The following ATRX variants were observed in gnomAD, a reference collection of about 807,000 sequenced individuals.
The protein encoded by ATRX is ATRX chromatin remodeler, also known as chromatin remodeler ATRX.
In ATRX, 12 loss-of-function variants were observed where a neutral mutation model predicts 172.6. The ratio of observed to expected loss-of-function variants is 0.07; its 90% CI spans 0.04 to 0.11. The LOEUF (loss-of-function observed/expected upper bound fraction) is 0.11, where lower values mean the gene tolerates loss of function less well. Ranked by LOEUF, ATRX falls within the 10% of genes least tolerant of loss-of-function variation. ATRX has a pLI of 1.00. For missense variants in ATRX, 1,368 were observed against 1,767.4 expected (o/e 0.77, Z 4.05); for synonymous variants, 674 against 594.7 (o/e 1.13, Z -1.94).
chrX:77,767,295 G>A (rs1287000548), intron 1 of ATRX, among the ~76,000 whole-genome samples: 2 of 109,668 alleles, frequency 1.8e-5, no homozygotes, highest in Admixed American at 9.7e-5. Context: ...GAGAGGTAGA[G>A]GGAGCCTCAT....
At chrX:77,595,534 G>A (rs988904493) in intron 25 of ATRX, 9 of 111,523 alleles carry the variant, frequency 8.1e-5, no homozygotes, top group African/African-American at 2.9e-4. Context: ...AAGCTTCCTT[G>A]TCAACTCCCT....
At position 77,717,247 on chromosome X, in the gene ATRX, T is replaced by G. The variant is rs1197209284; in HGVS notation, c.21-4A>C. The G allele has an allele frequency of 1.0e-5, 12 of 1,179,657 alleles. No homozygotes were observed. The South Asian group carries it at 2.1e-4, about 21-fold the overall frequency. On this transcript the variant is annotated splice_polypyrimidine_tract_variant and splice_region_variant and intron_variant, in intron 1 of 34. Transcript: ENST00000373344. ...CAATGTATTCAACTTGCTTTCACTATTAAAACAAAATTTAAAGAATTCCCT... is the reference window on the plus strand; with the variant it reads ...CAATGTATTCAACTTGCTTTCACTAGTAAAACAAAATTTAAAGAATTCCCT...
At chrX:77,622,017 T>C (rs2067610743) in intron 19 of ATRX, among the ~76,000 whole-genome samples, 1 of 112,378 alleles carries the variant, frequency 8.9e-6, no homozygotes, top group African/African-American at 3.2e-5. Flanking sequence ...TAATATTCGG[T>C]ATCCATGAGG....
intron 1 of ATRX, among the ~76,000 whole-genome samples, chrX:77,719,624 G>C (rs1030039010): frequency 5.7e-4 from 63 of 111,445 alleles, no homozygotes; most frequent in African/African-American, 2.1e-3. Context: ...AAAGCAACGA[G>C]AAGAGCTAAC....
In ATRX at chrX:77,682,596, G is replaced by GTC; in HGVS notation, c.2658_2659dup (p.Thr887ArgfsTer19). On this transcript the variant is annotated frameshift_variant, in exon 9 of 35. Coordinates refer to ENST00000373344, the MANE Select transcript of ATRX (RefSeq NM_000489.6). LOFTEE classifies it high-confidence loss of function. Reference sequence around the variant, plus strand: ...AACTGTGCCTTCTGCTGAAGAGAAAGTCTCTCTCTCTTGTTTTCTTTCAGC... The same window carrying GTC: ...AACTGTGCCTTCTGCTGAAGAGAAAGTCTCTCTCTCTCTTGTTTTCTTTCAGC... 1 of 1,210,385 alleles carries GTC rather than the reference G, an allele frequency of 8.3e-7. No individual in the cohort carries two copies. Among genetic ancestry groups the GTC allele is most frequent in the South Asian group, 1.8e-5 (1 of 56,979 alleles).
intron 9 of ATRX, among the ~76,000 whole-genome samples, chrX:77,677,850 T>C (rs782727522): frequency 6.3e-5 from 7 of 110,726 alleles, no homozygotes; most frequent in African/African-American, 9.8e-5. Flanking sequence ...CAATAAAATG[T>C]TGAAGGGAAA....
chrX:77,625,238 T>A (rs1323135420), intron 19 of ATRX, among the ~76,000 whole-genome samples: 1 of 112,357 alleles, frequency 8.9e-6, no homozygotes, highest in Non-Finnish European at 1.9e-5. Context: ...TATACAAAAA[T>A]CACCTCATGA....
intron 30 of ATRX, among the ~76,000 whole-genome samples, chrX:77,526,035 C>T (rs2063369597): frequency 8.9e-6 from 1 of 111,843 alleles, no homozygotes; most frequent in African/African-American, 3.2e-5. Context: ...CCTAAAATTT[C>T]TAAGTCCAAC....
At chrX:77,543,906 A>G (rs2064122029) in intron 30 of ATRX, among the ~76,000 whole-genome samples, 1 of 109,573 alleles carries the variant, frequency 9.1e-6, no homozygotes, top group Non-Finnish European at 1.9e-5. Context: ...GTGTATAACT[A>G]TGTAACAAAA....
At chrX:77,548,753 G>A (rs2064343373) in intron 30 of ATRX, among the ~76,000 whole-genome samples, 2 of 112,400 alleles carry the variant, frequency 1.8e-5, no homozygotes, top group Non-Finnish European at 3.8e-5. Context: ...TAATAAAACT[G>A]TACAATAACA....
In ATRX at chrX:77,685,021, G is replaced by T; in HGVS notation, c.595-15C>A. 1 of 1,136,667 alleles carries T rather than the reference G, an allele frequency of 8.8e-7. No homozygotes were observed. The allele number at this position is 1,136,667 out of a possible 1,213,427, so 93.7% of individuals were successfully genotyped here. On this transcript the variant is annotated splice_polypyrimidine_tract_variant and intron_variant, in intron 7 of 34. Transcript: ENST00000373344. Reference sequence around the variant, plus strand: ...TTAAAGCAATTCTATTAAAAGAAAAGAGGAAGGGGAAATTTAATTCGAAAT... The same window carrying T: ...TTAAAGCAATTCTATTAAAAGAAAATAGGAAGGGGAAATTTAATTCGAAAT...
At chrX:77,781,676 G>A (rs2076577955) in intron 1 of ATRX, among the ~76,000 whole-genome samples, 1 of 111,075 alleles carries the variant, frequency 9.0e-6, no homozygotes, top group African/African-American at 3.3e-5. Flanking sequence ...CAAGCATTAG[G>A]ATAAAATTAG....
At chrX:77,649,044 G>T (rs1901008613) in intron 15 of ATRX, among the ~76,000 whole-genome samples, 1 of 110,516 alleles carries the variant, frequency 9.0e-6, no homozygotes, top group Non-Finnish European at 1.9e-5. Context: ...CATGCCTGTT[G>T]TCCCAGCTAC....
intron 15 of ATRX, among the ~76,000 whole-genome samples, chrX:77,645,272 T>G (rs183985318): frequency 1.8e-5 from 2 of 111,756 alleles, no homozygotes; most frequent in Admixed American, 9.5e-5. Context: ...TCAAGTAGCT[T>G]AGACCACAAG....
chrX:77,651,911 T>A (rs1179546671), intron 15 of ATRX: 3 of 422,643 alleles, frequency 7.1e-6, no homozygotes, highest in Non-Finnish European at 8.1e-6. Flanking sequence ...AATGCTGAAA[T>A]ATATTGAAGT....
intron 22 of ATRX, among the ~76,000 whole-genome samples, chrX:77,602,635 T>A (rs1557087830): frequency 9.0e-6 from 1 of 110,828 alleles, no homozygotes; most frequent in East Asian, 2.8e-4. Context: ...AAGCATTTTT[T>A]AATTTCCCTT....
At chrX:77,743,548 AG>A (rs1160208278) in intron 1 of ATRX, among the ~76,000 whole-genome samples, 5 of 111,316 alleles carry the variant, frequency 4.5e-5, no homozygotes, top group Non-Finnish European at 9.4e-5. Context: ...TACTTCTCCC[AG>A]GGGACAGAGG....
intron 2 of ATRX, among the ~76,000 whole-genome samples, chrX:77,708,005 TG>T (rs782301615): frequency 1.3e-4 from 15 of 112,293 alleles, no homozygotes; most frequent in Non-Finnish European, 2.6e-4. Context: ...ATCTCTACTT[TG>T]GAAAACAGTT....
intron 10 of ATRX, among the ~76,000 whole-genome samples, chrX:77,673,056 G>C (rs1355588943): frequency 9.0e-5 from 10 of 111,248 alleles, no homozygotes; most frequent in African/African-American, 3.2e-4. Flanking sequence ...AACTAATACT[G>C]TTAAAACTTG....
Sources: allele counts gnomAD v4.1 joint callset (sites outside exome capture counted in the v4.1 genomes callset), GRCh38; gene constraint gnomAD v4.1.1; transcripts MANE v1.5; gene names NCBI Gene and HGNC (gene_info 2026-07-23, HGNC 2026-07-21).